HGF: variants seen among roughly 807,000 people sequenced by gnomAD.
HGF encodes the protein hepatocyte growth factor.
Under a neutral mutation model 111.6 loss-of-function variants are expected in HGF, and 39 were observed. The observed-to-expected ratio is 0.35, with a 90% CI of 0.27 to 0.46. HGF has a LOEUF of 0.46. Ranked by LOEUF, HGF falls within the 20% of genes least tolerant of loss-of-function variation. The pLI is 1.00. For missense variants in HGF, 735 were observed against 910.5 expected, an observed-to-expected ratio of 0.81 and a Z score of 2.48; for synonymous variants, 285 against 294.8, an observed-to-expected ratio of 0.97 and a Z score of 0.34.
In HGF at chr7:81,709,926, A is replaced by G. The variant is rs5745740; in HGVS notation, c.1541+221T>C. ...CAGGGACATTGCCAACACATATGGG[A>G]CCTTTGTGAAGATTTAAAAAGGCAC... On this transcript the variant is annotated intron_variant, in intron 13 of 17. Transcript: ENST00000222390. 0.012 allele frequency among the ~76,000 whole-genome samples: 1,765 copies of G among 152,206 alleles called. 38 individuals carry two copies. The highest frequency in any genetic ancestry group is 0.041 in the African/African-American group (1,692 of 41,536).
At chr7:81,708,162 A>C (rs1207600116) in intron 13 of HGF, among the ~76,000 whole-genome samples, 1 of 152,136 alleles carries the variant, frequency 6.6e-6, no homozygotes, top group Non-Finnish European at 1.5e-5. Context: ...CCAGACTGAG[A>C]CCACAGTTAT....
intron 5 of HGF, among the ~76,000 whole-genome samples, chr7:81,745,353 C>T (rs1788195189): frequency 6.6e-6 from 1 of 152,132 alleles, no homozygotes; most frequent in South Asian, 2.1e-4. Flanking sequence ...CACAGATTTA[C>T]TATAGGGCCA....
At chr7:81,767,759 G>A (rs994517529) in intron 1 of HGF, among the ~76,000 whole-genome samples, 3 of 151,930 alleles carry the variant, frequency 2.0e-5, no homozygotes, top group Non-Finnish European at 2.9e-5. Flanking sequence ...TCCTAACAAT[G>A]TGTTATTTTA....
chr7:81,755,803 T>C (rs975168600), intron 4 of HGF: 17 of 546,232 alleles, frequency 3.1e-5, no homozygotes, highest in African/African-American at 1.9e-4. Context: ...CATTTCTACA[T>C]AATTGTAAGT....
intron 8 of HGF, among the ~76,000 whole-genome samples, chr7:81,727,224 T>C (rs1053136169): frequency 8.8e-5 from 12 of 136,760 alleles, no homozygotes; most frequent in East Asian, 4.3e-4. Context: ...TTTTTTTTTT[T>C]AGTAGAGACA....
intron 7 of HGF, among the ~76,000 whole-genome samples, chr7:81,732,470 A>C (rs1447687209): frequency 6.6e-6 from 1 of 152,086 alleles, no homozygotes; most frequent in African/African-American, 2.4e-5. Context: ...AATACCAACT[A>C]TCATTTCTAG....
chr7:81,705,746 C>T lies in HGF; in HGVS notation c.1765G>A (p.Val589Ile), dbSNP rs538415452. The change falls in exon 16 of 18, where the codon GTC (valine) becomes ATC (isoleucine). Residue 589 changes from valine (V) to isoleucine (I), a missense_variant. Transcript: ENST00000222390. ...ATCGTACTAACAAAATCATCCAGGA[C>T]AGCAGGCCTGAAAACACAAAATACA... ...LVLMKLARPAVLDDFVSTIDL... is the reference protein window; with the variant it reads ...LVLMKLARPAILDDFVSTIDL... The T allele has an allele frequency of 5.3e-4, 858 of 1,605,300 alleles. 17 individuals are homozygous for T. The South Asian group carries it at 9.1e-3, about 17-fold the overall frequency.
At position 81,757,320 on chromosome 7, in the gene HGF, A is replaced by G. The variant is rs1339144592; in HGVS notation, c.368-17T>C. 1 of 1,344,148 alleles carries G rather than the reference A, an allele frequency of 7.4e-7. No homozygotes were observed. Among genetic ancestry groups the G allele is most frequent in the Non-Finnish European group, 1.1e-6 (1 of 933,632 alleles). The allele number at this position is 1,344,148 out of a possible 1,614,324, so 83.3% of individuals were successfully genotyped here. A position where few individuals can be genotyped will look rare whatever the true frequency, so the allele number is the denominator to read the frequency against. ...TAATGTAGTCTATTGAAGAAAGTAG[A>G]TAAAATTATTGCAACTATGCAAAAC... On this transcript the variant is annotated splice_polypyrimidine_tract_variant and intron_variant, in intron 3 of 17. Coordinates refer to ENST00000222390, the MANE Select transcript of HGF (RefSeq NM_000601.6).
intron 2 of HGF, among the ~76,000 whole-genome samples, chr7:81,759,954 A>G (rs531936730): frequency 1.2e-4 from 18 of 152,290 alleles, no homozygotes; most frequent in African/African-American, 4.1e-4. Context: ...ACGCAAAAAA[A>G]TGATAAATTT....
intron 7 of HGF, among the ~76,000 whole-genome samples, chr7:81,741,938 CAAA>C (rs71520767): frequency 4.3e-5 from 2 of 46,350 alleles, no homozygotes; most frequent in African/African-American, 1.6e-4. Context: ...AACTCCATCT[CAAA>C]AAAAAAAAAA....
intron 5 of HGF, among the ~76,000 whole-genome samples, chr7:81,750,093 A>G (rs190912587): frequency 2.0e-5 from 3 of 152,220 alleles, no homozygotes; most frequent in East Asian, 3.9e-4. Flanking sequence ...TTTCCCCCTT[A>G]TATGTATTTT....
At chr7:81,755,864 A>G (rs540519642) in intron 4 of HGF, 13 of 564,738 alleles carry the variant, frequency 2.3e-5, no homozygotes, top group African/African-American at 2.1e-4. Flanking sequence ...TGTAGAGATG[A>G]TCAGCTTGGA....
intron 7 of HGF, among the ~76,000 whole-genome samples, chr7:81,733,316 T>G (rs71555099): frequency 0.016 from 2,362 of 151,966 alleles, 36 homozygotes; most frequent in Middle Eastern, 0.052. Context: ...AATATAATAT[T>G]TTACCAAATA....
intron 4 of HGF, among the ~76,000 whole-genome samples, chr7:81,752,995 G>C (rs1562901529): frequency 6.6e-6 from 1 of 152,032 alleles, no homozygotes; most frequent in Non-Finnish European, 1.5e-5. Flanking sequence ...TTTGTAGTCT[G>C]TATCTACTGT....
chr7:81,766,697 C>T (rs865834510), intron 1 of HGF, among the ~76,000 whole-genome samples: 2 of 152,136 alleles, frequency 1.3e-5, no homozygotes, highest in South Asian at 2.1e-4. Context: ...CTTCTCCTTT[C>T]CAGTTCTTAT....
intron 13 of HGF, among the ~76,000 whole-genome samples, chr7:81,709,753 A>G (rs970309314): frequency 6.6e-6 from 1 of 152,250 alleles, no homozygotes; most frequent in African/African-American, 2.4e-5. Flanking sequence ...ATGTTTTGAC[A>G]TGATCATGCA....
In HGF at chr7:81,701,222, A is replaced by G. The variant is rs1224840471; in HGVS notation, c.*1359T>C. 1 of 151,538 alleles carries G rather than the reference A, an allele frequency of 6.6e-6. No individual in the cohort carries two copies. The highest frequency in any genetic ancestry group is 1.5e-5 in the Non-Finnish European group (1 of 67,616). The allele number at this position is 151,538 out of a possible 1,614,324, so 9.4% of individuals were successfully genotyped here. A position where few individuals can be genotyped will look rare whatever the true frequency, so the allele number is the denominator to read the frequency against. ...AGGAGTGAACTTTGTAAAATGAAATAAGAAAAAATAAACATATCTTGATAA... is the reference window on the plus strand; with the variant it reads ...AGGAGTGAACTTTGTAAAATGAAATGAGAAAAAATAAACATATCTTGATAA... On this transcript the variant is annotated 3_prime_UTR_variant, in exon 18 of 18. Transcript: ENST00000222390.
chr7:81,762,819 T>C lies in HGF; in HGVS notation c.142A>G (p.Thr48Ala). The change falls in exon 2 of 18, where the codon ACT (threonine) becomes GCT (alanine). Residue 48 changes from threonine (T) to alanine (A), a missense_variant. By Grantham distance (58) the Thr-to-Ala change is moderately conservative. Around this residue, in one of 3 missense-constraint regions of HGF, gnomAD observed 553 missense variants for 685.6 expected, o/e 0.81. Coordinates refer to ENST00000222390, the MANE Select transcript of HGF (RefSeq NM_000601.6). ...GCTGGATCTATTTTGATTAGGGTAG[T>C]CTTTGCTGATTTTTTGAATTCATGA... ...TIHEFKKSAK[T>A]TLIKIDPALK... 6.3e-7 allele frequency: 1 copy of C among 1,599,446 alleles called. No individual in the cohort carries two copies. The highest frequency in any genetic ancestry group is 2.2e-5 in the East Asian group (1 of 44,696).
intron 8 of HGF, among the ~76,000 whole-genome samples, chr7:81,728,510 A>G (rs1403937079): frequency 2.0e-5 from 3 of 152,134 alleles, no homozygotes; most frequent in African/African-American, 7.2e-5. Flanking sequence ...TGTTTTTTCT[A>G]CTTTGATATG....
Sources: allele counts gnomAD v4.1 joint callset (sites outside exome capture counted in the v4.1 genomes callset), GRCh38; gene constraint gnomAD v4.1.1; regional missense constraint gnomAD v4.1.1; transcripts MANE v1.5; gene names NCBI Gene and HGNC (gene_info 2026-07-23, HGNC 2026-07-21).